RGS6: variants seen among roughly 807,000 people sequenced by gnomAD.
RGS6 encodes regulator of G-protein signaling 6.
RGS6 carries 30 observed loss-of-function variants against 78.5 expected under a neutral mutation model. The observed-to-expected ratio is 0.38, with a 90% CI of 0.29 to 0.52. RGS6 has a LOEUF of 0.52. Ranked by LOEUF, RGS6 falls within the 20% of genes least tolerant of loss-of-function variation. RGS6 has a pLI of 0.85. For synonymous variants in RGS6, 206 were observed against 206.0 expected (o/e 1.00, Z 0.00); for missense variants, 495 against 609.7 (o/e 0.81, Z 1.98).
chr14:72,051,547 G>C (rs1335848150), intron 2 of RGS6, among the ~76,000 whole-genome samples: 1 of 152,142 alleles, frequency 6.6e-6, no homozygotes, highest in Non-Finnish European at 1.5e-5. Flanking sequence ...ACAAACAAAA[G>C]TCTGCACCTG....
intron 2 of RGS6, among the ~76,000 whole-genome samples, chr14:72,006,363 C>T (rs1461266527): frequency 6.6e-6 from 1 of 152,150 alleles, no homozygotes; most frequent in African/African-American, 2.4e-5. Flanking sequence ...ATATTCAAGC[C>T]CCTGACAAAT....
intron 2 of RGS6, among the ~76,000 whole-genome samples, chr14:71,971,724 C>T (rs925890849): frequency 1.3e-4 from 20 of 152,252 alleles, no homozygotes; most frequent in Middle Eastern, 3.4e-3. Context: ...ATTATGGTTT[C>T]GTCTGAAGTC....
chr14:72,386,057 C>T (rs1412928262), intron 3 of RGS6, among the ~76,000 whole-genome samples: 2 of 152,176 alleles, frequency 1.3e-5, no homozygotes, highest in Middle Eastern at 3.4e-3. Context: ...GGACTTGTCC[C>T]TGGGGCTTTC....
chr14:72,395,983 C>A (rs1014936754), intron 3 of RGS6, among the ~76,000 whole-genome samples: 2 of 152,072 alleles, frequency 1.3e-5, no homozygotes, highest in Non-Finnish European at 2.9e-5. Context: ...AATAGTGCCG[C>A]AATAAACATA....
intron 12 of RGS6, among the ~76,000 whole-genome samples, chr14:72,478,971 G>C (rs182212002): frequency 1.3e-5 from 2 of 152,196 alleles, no homozygotes; most frequent in Admixed American, 1.3e-4. Flanking sequence ...GACCACATGG[G>C]GAATCTATAT....
At chr14:72,114,858 A>G (rs2283417) in intron 2 of RGS6, among the ~76,000 whole-genome samples, 76,004 of 152,016 alleles carry the variant, frequency 0.5, 19,305 homozygotes, top group Non-Finnish European at 0.54. Context: ...CTGAGTGAGA[A>G]AGTGATTATC....
chr14:72,321,052 ATATT>A (rs549137679), intron 2 of RGS6, among the ~76,000 whole-genome samples: 385 of 151,528 alleles, frequency 2.5e-3, no homozygotes, highest in Middle Eastern at 6.9e-3. Flanking sequence ...CATATAATAT[ATATT>A]AAACCAATGT....
chr14:72,519,816 C>G (rs2097008322), intron 15 of RGS6, among the ~76,000 whole-genome samples: 1 of 152,172 alleles, frequency 6.6e-6, no homozygotes, highest in Non-Finnish European at 1.5e-5. Context: ...TGGGGGTTCC[C>G]TGCATGAACA....
chr14:72,543,778 G>A (rs373043120), intron 17 of RGS6, among the ~76,000 whole-genome samples: 3 of 152,192 alleles, frequency 2.0e-5, no homozygotes, highest in Non-Finnish European at 4.4e-5. Flanking sequence ...CTCACTCTCC[G>A]AGCCTGGAGT....
At chr14:72,618,638 G>A in the RGS6 span, among the ~76,000 whole-genome samples, 6 of 152,030 alleles carry the variant, frequency 3.9e-5, no homozygotes, top group African/African-American at 1.4e-4. Context: ...GTCTCTGCGC[G>A]TCTCCCTCCC....
At position 72,565,967 on chromosome 14, in the gene RGS6, G is replaced by A. The variant is rs1028877644; in HGVS notation, c.*3500G>A. 3 of 150,554 alleles carry A rather than the reference G, an allele frequency of 2.0e-5. No individual in the cohort carries two copies. Among genetic ancestry groups the A allele is most frequent in the Non-Finnish European group, 3.0e-5 (2 of 66,932 alleles). 9.3% of individuals were successfully genotyped at this position (150,554 alleles called of 1,614,324 possible). On this transcript the variant is annotated 3_prime_UTR_variant, in exon 18 of 18. Coordinates refer to ENST00000553525, the MANE Select transcript of RGS6 (RefSeq NM_001204424.2). The stretch of plus-strand genomic sequence containing the variant: ...CCAGGAGCTGGGAAACTCTGGGCTC[G>A]GGGGGAGATAATGCACCACCAGCCT...
intron 3 of RGS6, among the ~76,000 whole-genome samples, chr14:72,385,064 T>C (rs1169100069): frequency 6.6e-6 from 1 of 152,210 alleles, no homozygotes; most frequent in African/African-American, 2.4e-5. Flanking sequence ...TGCATATTTG[T>C]AACGGTGTCT....
chr14:72,142,426 A>G (rs534389903), intron 2 of RGS6, among the ~76,000 whole-genome samples: 7 of 152,312 alleles, frequency 4.6e-5, no homozygotes, highest in South Asian at 4.1e-4. Context: ...TAAATATACC[A>G]ATGCAGTCCC....
intron 15 of RGS6, among the ~76,000 whole-genome samples, chr14:72,530,604 T>C (rs1009525126): frequency 6.6e-6 from 1 of 151,954 alleles, no homozygotes; most frequent in Non-Finnish European, 1.5e-5. Context: ...GGCAGGAGGA[T>C]TGCTTGAACC....
chr14:72,587,501 T>C, the RGS6 span, among the ~76,000 whole-genome samples: 1 of 152,184 alleles, frequency 6.6e-6, no homozygotes, highest in Non-Finnish European at 1.5e-5. Flanking sequence ...CATTTCCTGA[T>C]GCAGGTAAAA....
At chr14:72,152,271 T>TGTGC (rs1049729788) in intron 2 of RGS6, among the ~76,000 whole-genome samples, 1 of 149,528 alleles carries the variant, frequency 6.7e-6, no homozygotes, top group African/African-American at 2.5e-5. Context: ...TGTGTGTGTG[T>TGTGC]GTGCGCATGC....
chr14:72,087,569 A>G (rs2095098278), intron 2 of RGS6, among the ~76,000 whole-genome samples: 1 of 152,150 alleles, frequency 6.6e-6, no homozygotes, highest in African/African-American at 2.4e-5. Context: ...GCTCCAGAGA[A>G]ATACGCGTAT....
At chr14:72,525,685 C>A (rs1244170653) in intron 15 of RGS6, among the ~76,000 whole-genome samples, 1 of 152,222 alleles carries the variant, frequency 6.6e-6, no homozygotes, top group Non-Finnish European at 1.5e-5. Flanking sequence ...GTCTTCCCAG[C>A]TGTTCATCTT....
intron 1 of RGS6, among the ~76,000 whole-genome samples, chr14:71,948,411 A>G (rs2091848701): frequency 6.6e-6 from 1 of 152,152 alleles, no homozygotes; most frequent in Admixed American, 6.5e-5. Flanking sequence ...CCCTGCCATG[A>G]TGTCATTTTT....
Sources: allele counts gnomAD v4.1 joint callset (sites outside exome capture counted in the v4.1 genomes callset), GRCh38; gene constraint gnomAD v4.1.1; transcripts MANE v1.5; gene names NCBI Gene and HGNC (gene_info 2026-07-23, HGNC 2026-07-21).